CPED1: variants seen among roughly 807,000 people sequenced by gnomAD.
The protein encoded by CPED1 is cadherin-like and PC-esterase domain-containing protein 1.
In CPED1, 114 loss-of-function variants were observed where a neutral mutation model predicts 128.2. The ratio of observed to expected loss-of-function variants is 0.89; its 90% CI spans 0.76 to 1.04. The LOEUF is 1.04. CPED1 is among the 50% of genes least tolerant of loss of function. The pLI is 0.00. For missense variants in CPED1, 1,211 were observed against 1,207.1 expected (o/e 1.00, Z -0.05); for synonymous variants, 462 against 426.7 (o/e 1.08, Z -1.02).
chr7:121,079,029 G>A (rs1794211084), intron 5 of CPED1, among the ~76,000 whole-genome samples: 1 of 152,110 alleles, frequency 6.6e-6, no homozygotes, highest in Non-Finnish European at 1.5e-5. Context: ...TCTGTGTCCT[G>A]TTCCCCTCAG....
chr7:121,059,547 TCA>T (rs1793596362), intron 4 of CPED1, among the ~76,000 whole-genome samples: 1 of 152,134 alleles, frequency 6.6e-6, no homozygotes, highest in Non-Finnish European at 1.5e-5. Flanking sequence ...ATAAAAAAAA[TCA>T]GTTTCTTCCC....
chr7:121,256,124 C>CAAAAAAAAAAAAAAAAAAAAAAAA (rs1333114209), intron 18 of CPED1, among the ~76,000 whole-genome samples: 1 of 45,338 alleles, frequency 2.2e-5, no homozygotes, highest in African/African-American at 5.4e-5. Context: ...AAAAAAAAAA[C>CAAAAAAAAAAAAAAAAAAAAAAAA]AAAACAAAAA....
At position 121,266,261 on chromosome 7, in the gene CPED1, T is replaced by C; in HGVS notation, c.2345T>C (p.Ile782Thr). 6.2e-7 allele frequency: 1 copy of C among 1,612,946 alleles called. No homozygotes were observed. The highest frequency in any genetic ancestry group is 8.5e-7 in the Non-Finnish European group (1 of 1,179,240). The part of the protein sequence containing the change: ...LFIGDSTNRG[I>T]MYYLIERLNE... Reference sequence around the variant, plus strand: ...ATTGGAGATTCAACCAACAGAGGGATCATGTACTATCTTATTGAAAGGCTG... The same window carrying C: ...ATTGGAGATTCAACCAACAGAGGGACCATGTACTATCTTATTGAAAGGCTG... The change falls in exon 19 of 23, where the codon ATC becomes ACC. Residue 782 changes from isoleucine (I) to threonine (T), a missense_variant. Transcript: ENST00000310396.
At chr7:121,260,615 C>T (rs150049513) in intron 18 of CPED1, among the ~76,000 whole-genome samples, 1 of 150,374 alleles carries the variant, frequency 6.7e-6, no homozygotes, top group South Asian at 2.1e-4. Context: ...CTAGATGTAA[C>T]AAATAAGACT....
chr7:121,266,176 G>T, intron 18 of CPED1, 51 bp from the exon 19 acceptor site: 1 of 1,388,010 alleles, frequency 7.2e-7, no homozygotes, highest in African/African-American at 1.4e-5. Flanking sequence ...ACTATCTCCT[G>T]TACCATGTAA....
chr7:120,995,965 TCCTC>T (rs757364378), intron 2 of CPED1, among the ~76,000 whole-genome samples: 9,221 of 144,174 alleles, frequency 0.064, 833 homozygotes, highest in African/African-American at 0.21. Flanking sequence ...CTCCTCCTCC[TCCTC>T]CTTCTTCTTC....
chr7:121,263,589 T>C lies in CPED1; in HGVS notation c.2311-2638T>C, dbSNP rs538822702. On this transcript the variant is annotated intron_variant, in intron 18 of 22. Transcript: ENST00000310396. ...GTTAATAAATAATAGTACCTAAGAATTCTGAAACAGGACTATTGTGCCTCT... is the reference window on the plus strand; with the variant it reads ...GTTAATAAATAATAGTACCTAAGAACTCTGAAACAGGACTATTGTGCCTCT... 2.6e-5 allele frequency among the ~76,000 whole-genome samples: 4 copies of C among 152,172 alleles called. No individual in the cohort carries two copies. In the East Asian group the frequency reaches 7.8e-4, roughly 30 times the overall value.
At chr7:121,232,627 G>C (rs1798163799) in intron 16 of CPED1, among the ~76,000 whole-genome samples, 1 of 152,098 alleles carries the variant, frequency 6.6e-6, no homozygotes, top group Non-Finnish European at 1.5e-5. Context: ...AACAGCCCTA[G>C]TCTGGAAGGG....
chr7:121,203,982 A>G (rs1271946335), intron 16 of CPED1, among the ~76,000 whole-genome samples: 3 of 152,058 alleles, frequency 2.0e-5, no homozygotes, highest in Non-Finnish European at 2.9e-5. Flanking sequence ...TTGCACCTGC[A>G]CTCAGTGAGG....
At chr7:121,182,286 A>C (rs1376711790) in intron 16 of CPED1, among the ~76,000 whole-genome samples, 35 of 150,436 alleles carry the variant, frequency 2.3e-4, no homozygotes. Context: ...CAGAAGAGTT[A>C]GTAGACCATG....
chr7:121,023,620 C>T (rs911575433), intron 3 of CPED1, among the ~76,000 whole-genome samples: 2 of 152,074 alleles, frequency 1.3e-5, no homozygotes, highest in African/African-American at 4.8e-5. Context: ...TGGTGTTGCA[C>T]GGGCAGAAGA....
At chr7:121,244,934 C>G (rs1412835221) in intron 18 of CPED1, among the ~76,000 whole-genome samples, 2 of 152,186 alleles carry the variant, frequency 1.3e-5, no homozygotes, top group Non-Finnish European at 2.9e-5. Flanking sequence ...TAGGCATGCT[C>G]TGACTAGGTA....
chr7:121,071,027 C>G (rs551257051), intron 5 of CPED1, among the ~76,000 whole-genome samples: 25 of 152,206 alleles, frequency 1.6e-4, no homozygotes, highest in African/African-American at 6.0e-4. Context: ...TGTGACATAA[C>G]AAATTTCCTA....
intron 5 of CPED1, among the ~76,000 whole-genome samples, chr7:121,078,045 T>TTTTTG (rs138656663): frequency 0.079 from 11,935 of 152,006 alleles, 725 homozygotes; most frequent in African/African-American, 0.17. Context: ...TGATTTGTAT[T>TTTTTG]TTTTGTTTTG....
intron 16 of CPED1, among the ~76,000 whole-genome samples, chr7:121,143,029 C>G (rs556790271): frequency 1.1e-4 from 16 of 151,880 alleles, no homozygotes; most frequent in Admixed American, 9.9e-4. Context: ...GTAATCACCC[C>G]GCCACTGTCT....
intron 16 of CPED1, among the ~76,000 whole-genome samples, chr7:121,214,651 T>C (rs960860719): frequency 6.6e-6 from 1 of 152,072 alleles, no homozygotes; most frequent in African/African-American, 2.4e-5. Context: ...AGACTACACA[T>C]AGAAAGGACT....
intron 18 of CPED1, among the ~76,000 whole-genome samples, chr7:121,252,202 A>T (rs923233749): frequency 2.0e-5 from 3 of 151,550 alleles, no homozygotes; most frequent in African/African-American, 7.3e-5. Context: ...TGACAAAAAC[A>T]AGCAATGGGG....
intron 18 of CPED1, among the ~76,000 whole-genome samples, chr7:121,262,079 G>C (rs1274420158): frequency 6.6e-6 from 1 of 151,936 alleles, no homozygotes; most frequent in East Asian, 1.9e-4. Flanking sequence ...TAATTAATGA[G>C]TTCTTGCTTG....
chr7:121,001,714 A>G (rs551395120), intron 2 of CPED1, among the ~76,000 whole-genome samples: 3 of 152,110 alleles, frequency 2.0e-5, no homozygotes, highest in Admixed American at 6.6e-5. Flanking sequence ...AAGGGAAATT[A>G]CCTGGGACTG....
Sources: allele counts gnomAD v4.1 joint callset (sites outside exome capture counted in the v4.1 genomes callset), GRCh38; gene constraint gnomAD v4.1.1; transcripts MANE v1.5; gene names NCBI Gene and HGNC (gene_info 2026-07-23, HGNC 2026-07-21).